RHOBTB3: variants seen among roughly 807,000 people sequenced by gnomAD.
RHOBTB3 encodes the protein Rho related BTB domain containing 3.
RHOBTB3 carries 47 observed loss-of-function variants against 67.2 expected under a neutral mutation model. The ratio of observed to expected loss-of-function variants is 0.70; its 90% confidence interval spans 0.55 to 0.89. The LOEUF is 0.89. Among genes scored for constraint, RHOBTB3 ranks in the 40% least tolerant of loss-of-function variants. RHOBTB3 has a pLI of 0.00. For synonymous variants in RHOBTB3, 273 were observed against 274.2 expected, an observed-to-expected ratio of 1.00 and a Z score of 0.04; for missense variants, 631 against 750.0, an observed-to-expected ratio of 0.84 and a Z score of 1.85.
At chr5:95,784,864 C>T (rs1364144778) in intron 10 of RHOBTB3, among the ~76,000 whole-genome samples, 1 of 152,180 alleles carries the variant, frequency 6.6e-6, no homozygotes, top group Non-Finnish European at 1.5e-5. Flanking sequence ...GAGACAGTTT[C>T]AGCACTTGTG....
rs1745222650 is a variant in RHOBTB3, at chr5:95,755,669, A to G, written c.956A>G (p.His319Arg). Residue 319 changes from histidine (H) to arginine (R), a missense_variant, in exon 6 of 12, where the codon CAT (histidine) becomes CGT (arginine). Physicochemically the swap from His to Arg is conservative, Grantham distance 29. Transcript: ENST00000379982. ...NRDTAFPGASHESSGNPPLRV... is the reference protein window; with the variant it reads ...NRDTAFPGASRESSGNPPLRV... The stretch of plus-strand genomic sequence containing the variant: ...GATACTGCATTTCCAGGTGCTAGCC[A>G]TGAATCTTCAGGCAACCCACCATTA... 12 of 1,614,172 alleles carry G rather than the reference A, an allele frequency of 7.4e-6. No homozygotes were observed. In the East Asian group the frequency reaches 8.9e-5, roughly 12 times the overall value.
intron 8 of RHOBTB3, among the ~76,000 whole-genome samples, chr5:95,773,066 T>G (rs1280789679): frequency 6.6e-6 from 1 of 152,178 alleles, no homozygotes; most frequent in Non-Finnish European, 1.5e-5. Flanking sequence ...TATCAAACAT[T>G]ATGTTAGCAT....
At chr5:95,764,642 A>G (rs1745490604) in intron 7 of RHOBTB3, among the ~76,000 whole-genome samples, 1 of 152,250 alleles carries the variant, frequency 6.6e-6, no homozygotes, top group African/African-American at 2.4e-5. Flanking sequence ...GGTAAGTTAT[A>G]TGCAATACTT....
intron 8 of RHOBTB3, among the ~76,000 whole-genome samples, 178 bp downstream of exon 8, chr5:95,768,344 T>C (rs1391465841): frequency 6.6e-6 from 1 of 152,206 alleles, no homozygotes; most frequent in Non-Finnish European, 1.5e-5. Flanking sequence ...AGTATTTTAT[T>C]AAAATGATAA....
At position 95,759,084 on chromosome 5, in the gene RHOBTB3, A is replaced by G. The variant is rs147774520; in HGVS notation, c.1048+3323A>G. ...ATGGATGCCTAGTGGTTGGGTGGAAATTAAGTAAGCCTGGAATAGGGATCG... is the reference window on the plus strand; with the variant it reads ...ATGGATGCCTAGTGGTTGGGTGGAAGTTAAGTAAGCCTGGAATAGGGATCG... On this transcript the variant is annotated intron_variant, in intron 6 of 11. Coordinates refer to ENST00000379982, the MANE Select transcript of RHOBTB3 (RefSeq NM_014899.4). Among the ~76,000 whole-genome samples the G allele has an allele frequency of 5.9e-5, 9 of 152,370 alleles. No homozygotes were observed. The East Asian group carries it at 1.7e-3, about 29-fold the overall frequency.
chr5:95,790,629 G>A (rs1260490804), intron 11 of RHOBTB3, among the ~76,000 whole-genome samples: 1 of 152,186 alleles, frequency 6.6e-6, no homozygotes, highest in Non-Finnish European at 1.5e-5. Context: ...ATGTGTCGAT[G>A]TTGCCTTCTG....
chr5:95,777,024 G>T (rs1745906768), intron 8 of RHOBTB3, among the ~76,000 whole-genome samples: 1 of 152,070 alleles, frequency 6.6e-6, no homozygotes, highest in Admixed American at 6.6e-5. Flanking sequence ...CCCTGTAATA[G>T]GTGATCCTCA....
chr5:95,774,419 C>T (rs1745808766), intron 8 of RHOBTB3, among the ~76,000 whole-genome samples: 1 of 152,162 alleles, frequency 6.6e-6, no homozygotes, highest in African/African-American at 2.4e-5. Flanking sequence ...AAGCACTTTA[C>T]ACTGGATTAG....
chr5:95,792,073 A>T (rs1746414252), intron 11 of RHOBTB3, among the ~76,000 whole-genome samples: 1 of 152,222 alleles, frequency 6.6e-6, no homozygotes, highest in South Asian at 2.1e-4. Context: ...GGAGGGATCC[A>T]ACTCCAAGGC....
At position 95,731,631 on chromosome 5, in the gene RHOBTB3, C is replaced by T. The variant is rs545543075; in HGVS notation, c.-52C>T. 6.2e-7 allele frequency: 1 copy of T among 1,611,182 alleles called. No homozygotes were observed. The highest frequency in any genetic ancestry group is 1.1e-5 in the South Asian group (1 of 90,584). On this transcript the variant is annotated 5_prime_UTR_variant, in exon 1 of 12. Coordinates refer to ENST00000379982, the MANE Select transcript of RHOBTB3 (RefSeq NM_014899.4). The stretch of plus-strand genomic sequence containing the variant: ...TCGCCGCCCGGGGGCCCCGCGAAGC[C>T]GTGAGCCGCTGCTTTTCTCCGAGTC...
chr5:95,734,883 C>T (rs994392625), intron 2 of RHOBTB3, among the ~76,000 whole-genome samples: 3 of 152,056 alleles, frequency 2.0e-5, no homozygotes, highest in African/African-American at 7.2e-5. Context: ...CCTTAAAGGT[C>T]CTCCCCTTCC....
intron 8 of RHOBTB3, among the ~76,000 whole-genome samples, chr5:95,771,031 A>G (rs987012773): frequency 6.6e-6 from 1 of 152,178 alleles, no homozygotes; most frequent in Non-Finnish European, 1.5e-5. Flanking sequence ...TTTTACTACT[A>G]TGCTGTTAAA....
chr5:95,731,138 C>T (rs1755220433), upstream of RHOBTB3: 4 of 1,017,092 alleles, frequency 3.9e-6, no homozygotes, highest in South Asian at 1.0e-4. Flanking sequence ...TTATATTCCG[C>T]GGCGCCCCGC....
chr5:95,721,943 G>A (rs929566557), intron 1 of RHOBTB3, among the ~76,000 whole-genome samples: 10 of 152,180 alleles, frequency 6.6e-5, no homozygotes, highest in Admixed American at 4.6e-4. Flanking sequence ...AAATCTCTAA[G>A]AAAATTTTGA....
At chr5:95,765,158 G>T (rs1561449748) in intron 7 of RHOBTB3, among the ~76,000 whole-genome samples, 1 of 151,942 alleles carries the variant, frequency 6.6e-6, no homozygotes. Flanking sequence ...TCTGTTTATA[G>T]ATTCTCTCCC....
chr5:95,742,386 T>C (rs1755624619), intron 3 of RHOBTB3, among the ~76,000 whole-genome samples: 1 of 152,216 alleles, frequency 6.6e-6, no homozygotes, highest in Admixed American at 6.5e-5. Context: ...CACAATCCCC[T>C]GCCTTATGTA....
At chr5:95,754,082 ACT>A (rs1409655757) in intron 5 of RHOBTB3, among the ~76,000 whole-genome samples, 2 of 151,878 alleles carry the variant, frequency 1.3e-5, no homozygotes, top group Non-Finnish European at 2.9e-5. Context: ...CTCCAGTGAG[ACT>A]CTGTCTCAAA....
chr5:95,759,944 GTT>G (rs758440525), intron 6 of RHOBTB3, among the ~76,000 whole-genome samples: 4 of 139,262 alleles, frequency 2.9e-5, no homozygotes, highest in Admixed American at 1.4e-4. Context: ...TCCTGTCCTT[GTT>G]TTTTTTTTTT....
chr5:95,775,039 A>G (rs1427127082), intron 8 of RHOBTB3, among the ~76,000 whole-genome samples: 1 of 152,176 alleles, frequency 6.6e-6, no homozygotes, highest in African/African-American at 2.4e-5. Flanking sequence ...AGAGATTTGC[A>G]CTTTAACTCA....
Sources: allele counts gnomAD v4.1 joint callset (sites outside exome capture counted in the v4.1 genomes callset), GRCh38; gene constraint gnomAD v4.1.1; transcripts MANE v1.5; gene names NCBI Gene and HGNC (gene_info 2026-07-23, HGNC 2026-07-21).